Variants in HMCN2 observed in about 807,000 individuals in gnomAD.
HMCN2 encodes hemicentin-2.
Under a neutral mutation model 377.5 loss-of-function variants are expected in HMCN2, and 325 were observed. The ratio of observed to expected loss-of-function variants is 0.86; its 90% CI spans 0.79 to 0.94. The LOEUF (loss-of-function observed/expected upper bound fraction) is 0.94, where lower values mean the gene tolerates loss of function less well. Among genes scored for constraint, HMCN2 ranks in the 40% least tolerant of loss-of-function variants. The pLI is 0.00. For missense variants in HMCN2, 4,543 were observed against 4,725.3 expected, an observed-to-expected ratio of 0.96 and a Z score of 1.13; for synonymous variants, 2,007 against 2,046.8, an observed-to-expected ratio of 0.98 and a Z score of 0.53.
rs549935584 is a variant in HMCN2 at position 130,352,535 on chromosome 9, A to C, written c.4586-392A>C. On this transcript the variant is annotated intron_variant, in intron 30 of 97. Coordinates refer to ENST00000683500, the MANE Select transcript of HMCN2 (RefSeq NM_001291815.2). Reference sequence around the variant, plus strand: ...CATGCTGTGCCCATGTGCCCCTAGCATTGTCCTGGGTAGCATCGGTGGTGA... The same window carrying C: ...CATGCTGTGCCCATGTGCCCCTAGCCTTGTCCTGGGTAGCATCGGTGGTGA... Among the ~76,000 whole-genome samples the C allele has an allele frequency of 2.6e-5, 4 of 152,308 alleles. No homozygotes were observed. The South Asian group carries it at 8.3e-4, about 32-fold the overall frequency.
Position 130,385,589 on chromosome 9 carries a change from G to A in HMCN2, c.9136G>A (p.Gly3046Ser), listed in dbSNP as rs767663348. The change falls in exon 60 of 98, where the codon GGT becomes AGT. Residue 3046 changes from glycine to serine, a missense_variant. Physicochemically the swap from Gly to Ser is moderately conservative, Grantham distance 56. This residue lies in a region of HMCN2 where 736 missense variants were observed against 773.2 expected (regional missense o/e 0.95). Transcript: ENST00000683500. ...VPPAFRQAPRGPQDAVLVRVG... is the reference protein window; with the variant it reads ...VPPAFRQAPRSPQDAVLVRVG... ...CCCGGCCTTCAGGCAGGCTCCCAGA[G>A]GTCCCCAGGATGCGGTCCTGGTGAG... 1.8e-4 allele frequency: 229 copies of A among 1,304,102 alleles called. No individual in the cohort carries two copies. In the Middle Eastern group the frequency reaches 2.1e-3, roughly 12 times the overall value. The allele number at this position is 1,304,102 out of a possible 1,614,324, so 80.8% of individuals were successfully genotyped here.
rs1438106999 is a variant in HMCN2 at position 130,379,468 on chromosome 9, G to A, written c.8431+1G>A. The stretch of plus-strand genomic sequence containing the variant: ...GGGGATGAGGTGTCTGTGCTGCAAG[G>A]TGGGTCAGGGGTGCGTGAAGAAAGT... On this transcript the variant is annotated splice_donor_variant, in intron 54 of 97. Transcript: ENST00000683500. LOFTEE classifies it high-confidence loss of function. The A allele has an allele frequency of 1.0e-5, 10 of 985,672 alleles. No individual in the cohort carries two copies. Among genetic ancestry groups the A allele is most frequent in the Non-Finnish European group, 1.2e-5 (10 of 829,936 alleles). The allele number at this position is 985,672 out of a possible 1,614,324, so 61.1% of individuals were successfully genotyped here.
intron 1 of HMCN2, among the ~76,000 whole-genome samples, chr9:130,267,599 C>A (rs10819627): frequency 0.23 from 34,354 of 152,188 alleles, 3,930 homozygotes; most frequent in South Asian, 0.28. Context: ...AATCACAATA[C>A]CATTACAGGT....
intron 15 of HMCN2, among the ~76,000 whole-genome samples, chr9:130,319,244 A>C (rs1400560624): frequency 6.6e-6 from 1 of 151,794 alleles, no homozygotes; most frequent in Non-Finnish European, 1.5e-5. Context: ...CCTCCCCTGC[A>C]CCTCTGGGGT....
Position 130,385,724 on chromosome 9 carries a change from C to G in HMCN2, c.9271C>G (p.Leu3091Val). ...PLVLAQRTQA[L>V]RGGQRLEIQE... The stretch of plus-strand genomic sequence containing the variant: ...GGTCCTGGCACAGCGGACCCAGGCT[C>G]TGCGGGGTGGGCAGAGGCTGGAGAT... The change falls in exon 60 of 98, where the codon CTG becomes GTG. Residue 3091 changes from leucine to valine, a missense_variant. Around this residue, in one of 5 missense-constraint regions of HMCN2, gnomAD observed 736 missense variants for 773.2 expected, o/e 0.95. Transcript: ENST00000683500. 2 of 1,304,154 alleles carry G rather than the reference C, an allele frequency of 1.5e-6. No individual in the cohort carries two copies. The highest frequency in any genetic ancestry group is 2.0e-6 in the Non-Finnish European group (2 of 988,914). The allele number at this position is 1,304,154 out of a possible 1,614,324, so 80.8% of individuals were successfully genotyped here. A position where few individuals can be genotyped will look rare whatever the true frequency, so the allele number is the denominator to read the frequency against.
At chr9:130,380,223 T>C (rs2131630450) in intron 54 of HMCN2, among the ~76,000 whole-genome samples, 1 of 152,356 alleles carries the variant, frequency 6.6e-6, no homozygotes, top group East Asian at 1.9e-4. Context: ...TATTTGTTTA[T>C]TTAAGGTAAT....
intron 46 of HMCN2, among the ~76,000 whole-genome samples, chr9:130,371,563 G>A (rs1428070679): frequency 6.6e-6 from 1 of 152,216 alleles, no homozygotes; most frequent in Non-Finnish European, 1.5e-5. Context: ...ATACAAATGA[G>A]GAACTGAGGC....
chr9:130,297,184 AT>A (rs1836214819), intron 7 of HMCN2, among the ~76,000 whole-genome samples: 1 of 152,248 alleles, frequency 6.6e-6, no homozygotes, highest in South Asian at 2.1e-4. Context: ...GGCTAGTTCA[AT>A]GAAAGAACAC....
At chr9:130,429,098 T>C (rs1289820814) in intron 93 of HMCN2, 1 of 187,786 alleles carries the variant, frequency 5.3e-6, no homozygotes, top group Non-Finnish European at 1.1e-5. Flanking sequence ...GCCCTTGGAG[T>C]GCCCGACAAC....
At chr9:130,383,443 G>C (rs984432180) in intron 56 of HMCN2, 61 bp from the exon 57 acceptor site, 16 of 714,820 alleles carry the variant, frequency 2.2e-5, no homozygotes, top group Admixed American at 6.3e-5. Context: ...AGTCATTCCT[G>C]GGGGTGGTGG....
chr9:130,327,086 G>T (rs1337073804), intron 21 of HMCN2, among the ~76,000 whole-genome samples: 1 of 152,102 alleles, frequency 6.6e-6, no homozygotes, highest in African/African-American at 2.4e-5. Flanking sequence ...AGGTGGTGGT[G>T]GGGAGGTGGG....
intron 97 of HMCN2, 116 bp from the exon 98 acceptor site, chr9:130,433,232 C>A: frequency 1.3e-6 from 1 of 764,632 alleles, no homozygotes; most frequent in Non-Finnish European, 1.9e-6. Flanking sequence ...GGGAGAAGGA[C>A]GGGCAGCGCG....
intron 14 of HMCN2, among the ~76,000 whole-genome samples, chr9:130,309,277 C>G (rs1330498042): frequency 1.3e-5 from 2 of 151,866 alleles, no homozygotes; most frequent in Non-Finnish European, 2.9e-5. Flanking sequence ...ACTTTGGGAG[C>G]CCGAGGTGGG....
chr9:130,275,666 T>C (rs1184057532), intron 1 of HMCN2, among the ~76,000 whole-genome samples: 1 of 152,178 alleles, frequency 6.6e-6, no homozygotes, highest in Non-Finnish European at 1.5e-5. Context: ...GCCAGACTGG[T>C]CACGAACTCC....
intron 1 of HMCN2, among the ~76,000 whole-genome samples, chr9:130,269,108 C>A (rs782051830): frequency 6.7e-6 from 1 of 148,164 alleles, no homozygotes; most frequent in African/African-American, 2.4e-5. Context: ...CCCCAAGAGG[C>A]GGGTGCGGGG....
chr9:130,336,247 A>T (rs939203408), intron 22 of HMCN2, among the ~76,000 whole-genome samples: 1 of 152,250 alleles, frequency 6.6e-6, no homozygotes, highest in Non-Finnish European at 1.5e-5. Flanking sequence ...ATTACACAAC[A>T]GTCAAAAATG....
chr9:130,392,411 G>A (rs1230599905), intron 66 of HMCN2, among the ~76,000 whole-genome samples: 1 of 152,192 alleles, frequency 6.6e-6, no homozygotes, highest in Non-Finnish European at 1.5e-5. Context: ...TTGGTGCTGT[G>A]CCTGTCACTG....
At chr9:130,365,366 C>T (rs940301377) in intron 41 of HMCN2, among the ~76,000 whole-genome samples, 6 of 152,226 alleles carry the variant, frequency 3.9e-5, no homozygotes, top group African/African-American at 1.4e-4. Flanking sequence ...AGTCACATGC[C>T]TCCCCCTTAG....
chr9:130,301,273 C>A (rs1836492390), intron 8 of HMCN2, among the ~76,000 whole-genome samples: 4 of 152,240 alleles, frequency 2.6e-5, no homozygotes, highest in African/African-American at 2.4e-5. Flanking sequence ...TGAGGAGGAA[C>A]TTTCAGGAAG....
Sources: allele counts gnomAD v4.1 joint callset (sites outside exome capture counted in the v4.1 genomes callset), GRCh38; gene constraint gnomAD v4.1.1; regional missense constraint gnomAD v4.1.1; transcripts MANE v1.5; gene names NCBI Gene and HGNC (gene_info 2026-07-23, HGNC 2026-07-21).